Variants in IL12RB2 observed in about 807,000 individuals in gnomAD.
The protein encoded by IL12RB2 is interleukin-12 receptor subunit beta-2.
In IL12RB2, 82 loss-of-function variants were observed where a neutral mutation model predicts 89.4. The ratio of observed to expected loss-of-function variants is 0.92; its 90% CI spans 0.77 to 1.10. IL12RB2 has a LOEUF of 1.10. IL12RB2 is among the 50% of genes least tolerant of loss of function. The pLI, the probability that IL12RB2 is intolerant of heterozygous loss-of-function variation, is 0.00. For synonymous variants in IL12RB2, 368 were observed against 370.1 expected (o/e 0.99, Z 0.07); for missense variants, 963 against 1,031.9 (o/e 0.93, Z 0.92).
chr1:67,320,464 T>C lies in IL12RB2; in HGVS notation c.76+20T>C. On this transcript the variant is annotated intron_variant, in intron 3 of 16. Coordinates refer to ENST00000674203, the MANE Select transcript of IL12RB2 (RefSeq NM_001374259.2). ...AAATAGGTAAGATATTTCTGTAAGTTACTCTGTGGAAGAATTTGTGGTTTA... is the reference window on the plus strand; with the variant it reads ...AAATAGGTAAGATATTTCTGTAAGTCACTCTGTGGAAGAATTTGTGGTTTA... The C allele has an allele frequency of 6.2e-7, 1 of 1,613,410 alleles. No individual in the cohort carries two copies. The highest frequency in any genetic ancestry group is 8.5e-7 in the Non-Finnish European group (1 of 1,179,772).
At chr1:67,341,588 G>A (rs75388300) in intron 9 of IL12RB2, among the ~76,000 whole-genome samples, 2,457 of 139,464 alleles carry the variant, frequency 0.018, 27 homozygotes, top group African/African-American at 0.032. Context: ...AGAAAGAAAA[G>A]AAAGGAAGGA....
At chr1:67,368,105 C>G (rs1662908760) in intron 11 of IL12RB2, 80 bp downstream of exon 11, 5 of 911,166 alleles carry the variant, frequency 5.5e-6, no homozygotes, top group Non-Finnish European at 9.0e-6. Context: ...GAGCCAGAAC[C>G]CTGCCTTCAA....
rs572505092 is a variant in IL12RB2, at chr1:67,338,336, C to CAAAAA, written c.959-255_959-251dup. Among the ~76,000 whole-genome samples the CAAAAA allele has an allele frequency of 1.5e-3, 61 of 40,106 alleles. 5 individuals carry two copies. The highest frequency in any genetic ancestry group is 2.3e-3 in the South Asian group (2 of 864). 26.3% of individuals were successfully genotyped at this position (40,106 alleles called of 152,430 possible). A position where few individuals can be genotyped will look rare whatever the true frequency, so the allele number is the denominator to read the frequency against. ...GAGGCAACAGAGCAAGATCCTGTCT[C>CAAAAA]AAAAAAAAAAAAAAAAAAAAAAAAA... On this transcript the variant is annotated intron_variant, in intron 8 of 16. Transcript: ENST00000674203.
intron 9 of IL12RB2, among the ~76,000 whole-genome samples, chr1:67,341,244 C>G (rs1659490862): frequency 6.6e-6 from 1 of 152,072 alleles, no homozygotes; most frequent in Admixed American, 6.5e-5. Context: ...ATGGTGAAAC[C>G]CTGTCTCTAC....
In IL12RB2 at chr1:67,342,009, C is replaced by T. The variant is rs1379155179; in HGVS notation, c.1038+3306C>T. ...TCAGGTGATTTGAGTCCACTCTTAT[C>T]CCAGCCTCTAATAGGGATTCCTCAT... On this transcript the variant is annotated intron_variant, in intron 9 of 16. Coordinates refer to ENST00000674203, the MANE Select transcript of IL12RB2 (RefSeq NM_001374259.2). 2.0e-5 allele frequency among the ~76,000 whole-genome samples: 3 copies of T among 152,178 alleles called. No homozygotes were observed. The East Asian group carries it at 5.8e-4, about 29-fold the overall frequency.
At chr1:67,379,509 CAAA>C (rs58494224) in intron 13 of IL12RB2, among the ~76,000 whole-genome samples, 1 of 68,492 alleles carries the variant, frequency 1.5e-5, no homozygotes, top group African/African-American at 5.9e-5. Context: ...GAACCTGTCT[CAAA>C]AAAAAAAAAA....
intron 8 of IL12RB2, among the ~76,000 whole-genome samples, chr1:67,331,151 A>C (rs1347375316): frequency 6.6e-6 from 1 of 152,210 alleles, no homozygotes; most frequent in African/African-American, 2.4e-5. Flanking sequence ...TTCTTGTTAA[A>C]GCTTCATATG....
chr1:67,346,999 C>T (rs1361923746), intron 9 of IL12RB2, among the ~76,000 whole-genome samples: 1 of 152,144 alleles, frequency 6.6e-6, no homozygotes, highest in East Asian at 1.9e-4. Flanking sequence ...CTCTTTAAAA[C>T]AGTTTACCTC....
At chr1:67,335,294 C>T (rs919675869) in intron 8 of IL12RB2, among the ~76,000 whole-genome samples, 9 of 152,040 alleles carry the variant, frequency 5.9e-5, no homozygotes, top group African/African-American at 2.2e-4. Context: ...CAAGAGGGAG[C>T]GGGGTCCAGA....
intron 9 of IL12RB2, among the ~76,000 whole-genome samples, chr1:67,348,499 G>A (rs1256920624): frequency 6.6e-6 from 1 of 151,914 alleles, no homozygotes; most frequent in Non-Finnish European, 1.5e-5. Flanking sequence ...CATGTCCCTG[G>A]GCCCCTGTTT....
At chr1:67,324,053 C>A (rs1330461406) in intron 4 of IL12RB2, among the ~76,000 whole-genome samples, 1 of 151,994 alleles carries the variant, frequency 6.6e-6, no homozygotes, top group Admixed American at 6.5e-5. Flanking sequence ...ATTACTAATT[C>A]TAAGAGTAAA....
Position 67,396,107 on chromosome 1 carries a change from CT to C in IL12RB2, c.*20del. The C allele has an allele frequency of 6.7e-7, 1 of 1,495,868 alleles. No homozygotes were observed. Among genetic ancestry groups the C allele is most frequent in the Non-Finnish European group, 9.3e-7 (1 of 1,073,172 alleles). The allele number at this position is 1,495,868 out of a possible 1,614,324, so 92.7% of individuals were successfully genotyped here. ...TGCTCTGAGTGGTGAGGCTTCAAGC[CT>C]TAAAGTCAGTGTGCCCTCAACCAGC... On this transcript the variant is annotated 3_prime_UTR_variant, in exon 17 of 17. Coordinates refer to ENST00000674203, the MANE Select transcript of IL12RB2 (RefSeq NM_001374259.2).
intron 9 of IL12RB2, among the ~76,000 whole-genome samples, chr1:67,342,787 T>G (rs1023629488): frequency 1.5e-5 from 2 of 132,054 alleles, no homozygotes; most frequent in African/African-American, 5.2e-5. Context: ...TGAGACAGGG[T>G]GTCATTCTGT....
chr1:67,380,179 A>C (rs533571080), intron 14 of IL12RB2, 56 bp downstream of exon 14: 1 of 1,554,448 alleles, frequency 6.4e-7, no homozygotes, highest in South Asian at 1.1e-5. Context: ...ACAGGCATGC[A>C]CTCCTATTAC....
rs1392047059 is a variant in IL12RB2 at position 67,367,884 on chromosome 1, AC to A, written c.1319del (p.Thr440IlefsTer32). The A allele has an allele frequency of 6.2e-7, 1 of 1,610,056 alleles. No homozygotes were observed. On this transcript the variant is annotated frameshift_variant, in exon 11 of 17. Transcript: ENST00000674203. LOFTEE classifies it high-confidence loss of function. ...AGAGGGCATGGACAACATTCTGGTG[AC>A]TTGGCAGCCTCCCAGGAAAGATCCC... is the stretch of plus-strand genomic sequence containing the variant. Reference protein sequence around the residue: ...NSEGMDNILVTWQPPRKDPSA... With the variant: ...NSEGMDNILVXWQPPRKDPSA...
chr1:67,328,488 T>C, intron 6 of IL12RB2, 104 bp downstream of exon 6: 5 of 1,585,404 alleles, frequency 3.2e-6, no homozygotes, highest in Non-Finnish European at 4.3e-6. Context: ...TTGATGGAAA[T>C]TGGCCAACAG....
intron 15 of IL12RB2, among the ~76,000 whole-genome samples, chr1:67,387,133 T>G (rs1286014435): frequency 1.3e-5 from 2 of 151,242 alleles, no homozygotes; most frequent in Admixed American, 1.3e-4. Context: ...TTTCATCATG[T>G]TGGCCAGACT....
In IL12RB2 at chr1:67,380,132, C is replaced by T. The variant is rs1557468366; in HGVS notation, c.1855+9C>T. The T allele has an allele frequency of 1.9e-6, 3 of 1,613,836 alleles. No individual in the cohort carries two copies. The highest frequency in any genetic ancestry group is 3.3e-5 in the Admixed American group (2 of 60,008). ...GGAATTTTGTCTGCAAGGTGAGAGG[C>T]AGTGTTAAGGATGATGAGTCCACCC... On this transcript the variant is annotated intron_variant, in intron 14 of 16. Transcript: ENST00000674203.
At chr1:67,325,458 C>T (rs1657158951) in intron 4 of IL12RB2, among the ~76,000 whole-genome samples, 1 of 152,190 alleles carries the variant, frequency 6.6e-6, no homozygotes, top group Admixed American at 6.5e-5. Flanking sequence ...GAAGAGGTTT[C>T]ACCATGTTGG....
Sources: allele counts gnomAD v4.1 joint callset (sites outside exome capture counted in the v4.1 genomes callset), GRCh38; gene constraint gnomAD v4.1.1; transcripts MANE v1.5; gene names NCBI Gene and HGNC (gene_info 2026-07-23, HGNC 2026-07-21).